The following POGLUT1 variants were observed in gnomAD, a reference collection of about 807,000 sequenced individuals.
The protein encoded by POGLUT1 is protein O-glucosyltransferase 1.
POGLUT1 carries 32 observed loss-of-function variants against 61.3 expected under a neutral mutation model. That is an observed-to-expected ratio of 0.52 (90% CI 0.39 to 0.70). The LOEUF (loss-of-function observed/expected upper bound fraction) is 0.70. Ranked by LOEUF, POGLUT1 falls within the 30% of genes least tolerant of loss-of-function variation. POGLUT1 has a pLI of 0.00. For missense variants in POGLUT1, 411 were observed against 469.8 expected, an observed-to-expected ratio of 0.87 and a Z score of 1.16; for synonymous variants, 158 against 158.2, an observed-to-expected ratio of 1.00 and a Z score of 0.01.
intron 6 of POGLUT1, among the ~76,000 whole-genome samples, chr3:119,485,982 GA>G (rs1272799962): frequency 6.6e-6 from 1 of 152,156 alleles, no homozygotes; most frequent in Non-Finnish European, 1.5e-5. Context: ...TGGAGCAGAT[GA>G]ATAGAAAAGA....
chr3:119,485,479 A>C lies in POGLUT1; in HGVS notation c.638+92A>C, dbSNP rs890835695. ...GGGTATGACAAGCTCTGTAGTTCAA[A>C]GGGAAAGCTAAGATAACAAAGAAAG... On this transcript the variant is annotated intron_variant, in intron 6 of 10. Coordinates refer to ENST00000295588, the MANE Select transcript of POGLUT1 (RefSeq NM_152305.3). The C allele has an allele frequency of 1.2e-5, 9 of 724,604 alleles. No individual in the cohort carries two copies. In the African/African-American group the frequency reaches 1.6e-4, roughly 13 times the overall value. The allele number at this position is 724,604 out of a possible 1,614,324, so 44.9% of individuals were successfully genotyped here. A position where few individuals can be genotyped will look rare whatever the true frequency, so the allele number is the denominator to read the frequency against.
At chr3:119,469,970 A>G in intron 2 of POGLUT1, 60 bp downstream of exon 2, 1 of 995,584 alleles carries the variant, frequency 1.0e-6, no homozygotes, top group Non-Finnish European at 1.6e-6. Context: ...GAAGTATTCT[A>G]ACATCCTTGA....
chr3:119,490,389 A>G, intron 8 of POGLUT1, 162 bp from the exon 9 acceptor site: 1 of 654,212 alleles, frequency 1.5e-6, no homozygotes, highest in South Asian at 1.9e-5. Context: ...GGCTGATAGA[A>G]ACCACTTAGG....
intron 8 of POGLUT1, chr3:119,489,196 A>G (rs568409262): frequency 1.7e-5 from 7 of 406,956 alleles, no homozygotes; most frequent in Admixed American, 1.1e-4. Flanking sequence ...CCTGCTTCCA[A>G]ACAGCTGCAT....
intron 3 of POGLUT1, 117 bp downstream of exon 3, chr3:119,471,569 G>A (rs1222969718): frequency 4.7e-5 from 44 of 940,938 alleles, no homozygotes; most frequent in South Asian, 8.1e-5. Flanking sequence ...CATTTCAGGC[G>A]GACTATGAAA....
intron 7 of POGLUT1, among the ~76,000 whole-genome samples, chr3:119,487,506 G>A (rs1210829653): frequency 6.6e-6 from 1 of 152,146 alleles, no homozygotes; most frequent in Non-Finnish European, 1.5e-5. Context: ...AGAATCGCTT[G>A]AACCTGGGAG....
chr3:119,472,128 T>A (rs1655115496), intron 3 of POGLUT1, among the ~76,000 whole-genome samples: 1 of 151,484 alleles, frequency 6.6e-6, no homozygotes, highest in Non-Finnish European at 1.5e-5. Context: ...GCAGGGAGGG[T>A]CATGGGCTGA....
At chr3:119,469,995 A>T in intron 2 of POGLUT1, 85 bp downstream of exon 2, 2 of 832,554 alleles carry the variant, frequency 2.4e-6, no homozygotes, top group Admixed American at 3.9e-5. Context: ...TTTTGGTTGC[A>T]GTGGTCAGAA....
intron 6 of POGLUT1, 42 bp from the exon 7 acceptor site, chr3:119,486,791 A>G: frequency 7.4e-7 from 1 of 1,353,012 alleles, no homozygotes; most frequent in Non-Finnish European, 1.1e-6. Context: ...ACAGTTTTCT[A>G]ATACAGGCCA....
At chr3:119,477,543 G>A in intron 4 of POGLUT1, 95 bp downstream of exon 4, 1 of 1,230,186 alleles carries the variant, frequency 8.1e-7, no homozygotes, top group African/African-American at 1.5e-5. Flanking sequence ...GATGGATAAT[G>A]GTAAGGATGA....
intron 7 of POGLUT1, 86 bp downstream of exon 7, chr3:119,487,018 G>T: frequency 7.9e-6 from 7 of 887,422 alleles, no homozygotes; most frequent in Non-Finnish European, 1.1e-5. Context: ...TTGAGATTAG[G>T]TTTCCTGTCA....
chr3:119,476,968 G>A (rs1354621109), intron 3 of POGLUT1, among the ~76,000 whole-genome samples: 1 of 152,184 alleles, frequency 6.6e-6, no homozygotes, highest in African/African-American at 2.4e-5. Context: ...TTTGTATCTT[G>A]TCTACTAATT....
Position 119,488,956 on chromosome 3 carries a change from G to A in POGLUT1, c.766G>A (p.Asp256Asn). ...TACCTTAGGAAAGCCAGCTGCTAAG[G>A]ATGTCCATCTTGTGGATCACTGCAA... ...KDTLGKPAAK[D>N]VHLVDHCKYK... The change falls in exon 8 of 11, where the codon GAT becomes AAT. Residue 256 changes from aspartate to asparagine, a missense_variant. By Grantham distance (23) the Asp-to-Asn change is conservative. Transcript: ENST00000295588. 3 of 1,593,094 alleles carry A rather than the reference G, an allele frequency of 1.9e-6. No individual in the cohort carries two copies. The highest frequency in any genetic ancestry group is 2.6e-6 in the Non-Finnish European group (3 of 1,163,148).
chr3:119,475,892 G>A (rs1398996613), intron 3 of POGLUT1, among the ~76,000 whole-genome samples: 1 of 151,672 alleles, frequency 6.6e-6, no homozygotes, highest in African/African-American at 2.4e-5. Flanking sequence ...AGGCTGAGGT[G>A]GGAGGATCAC....
intron 4 of POGLUT1, chr3:119,478,399 A>T (rs1378078710): frequency 4.4e-6 from 2 of 456,608 alleles, no homozygotes; most frequent in Non-Finnish European, 8.8e-6. Context: ...CCCATGGTCT[A>T]GCCTCATTTC....
chr3:119,478,616 A>C (rs1265278410), intron 4 of POGLUT1: 4 of 345,548 alleles, frequency 1.2e-5, no homozygotes. Context: ...TCCAAGGGAG[A>C]GTTTTACTCT....
chr3:119,487,509 C>T (rs540814996), intron 7 of POGLUT1, among the ~76,000 whole-genome samples: 21 of 152,214 alleles, frequency 1.4e-4, no homozygotes, highest in African/African-American at 5.1e-4. Flanking sequence ...ATCGCTTGAA[C>T]CTGGGAGGCA....
rs535481041 is a variant in POGLUT1, at chr3:119,489,242, C to T, written c.797+255C>T. On this transcript the variant is annotated intron_variant, in intron 8 of 10. Coordinates refer to ENST00000295588, the MANE Select transcript of POGLUT1 (RefSeq NM_152305.3). ...AATCACAGTAATGGAATTACCTCTC[C>T]ATATGCCCCACCCACCCAATCATTG... 330 of 301,418 alleles carry T rather than the reference C, an allele frequency of 1.1e-3. 1 individual carries two copies. Among genetic ancestry groups the T allele is most frequent in the African/African-American group, 6.5e-3 (307 of 46,942 alleles). The allele number at this position is 301,418 out of a possible 1,614,324, so 18.7% of individuals were successfully genotyped here. A position where few individuals can be genotyped will look rare whatever the true frequency, so the allele number is the denominator to read the frequency against.
At chr3:119,478,685 T>G (rs13313888) in intron 4 of POGLUT1, among the ~76,000 whole-genome samples, 295 of 152,330 alleles carry the variant, frequency 1.9e-3, no homozygotes, top group African/African-American at 6.6e-3. Flanking sequence ...TTAAGGTGCT[T>G]GATGAATCAC....
Sources: allele counts gnomAD v4.1 joint callset (sites outside exome capture counted in the v4.1 genomes callset), GRCh38; gene constraint gnomAD v4.1.1; transcripts MANE v1.5; gene names NCBI Gene and HGNC (gene_info 2026-07-23, HGNC 2026-07-21).